The following ENPP6 variants were observed in gnomAD, a reference collection of about 807,000 sequenced individuals.
ENPP6 encodes the protein glycerophosphocholine cholinephosphodiesterase ENPP6.
A neutral mutation model predicts 42.0 loss-of-function variants in ENPP6; 32 were observed. The ratio of observed to expected loss-of-function variants is 0.76; its 90% CI spans 0.58 to 1.02. The LOEUF (loss-of-function observed/expected upper bound fraction) is 1.02. Among genes scored for constraint, ENPP6 ranks in the 50% least tolerant of loss-of-function variants. The pLI, the probability that ENPP6 is intolerant of heterozygous loss-of-function variation, is 0.00. For missense variants in ENPP6, 552 were observed against 566.8 expected (o/e 0.97, Z 0.27); for synonymous variants, 213 against 216.0 (o/e 0.99, Z 0.12).
At chr4:184,204,458 A>T (rs4862341) in intron 1 of ENPP6, among the ~76,000 whole-genome samples, 65,298 of 152,024 alleles carry the variant, frequency 0.43, 14,522 homozygotes, top group Non-Finnish European at 0.48. Context: ...ACTCGCACCT[A>T]GGCCTGAACC....
chr4:184,131,191 T>C (rs1301147782), intron 2 of ENPP6, among the ~76,000 whole-genome samples: 1 of 56,578 alleles, frequency 1.8e-5, no homozygotes, highest in Non-Finnish European at 3.8e-5. Flanking sequence ...CTTTCTTTCT[T>C]TCTTTCTTTC....
intron 2 of ENPP6, among the ~76,000 whole-genome samples, chr4:184,139,163 G>A (rs527571277): frequency 6.6e-6 from 1 of 152,284 alleles, no homozygotes; most frequent in Admixed American, 6.5e-5. Context: ...AATCCCAAAA[G>A]GGAAAACATC....
At chr4:184,147,157 G>T (rs1736941211) in intron 2 of ENPP6, among the ~76,000 whole-genome samples, 1 of 152,142 alleles carries the variant, frequency 6.6e-6, no homozygotes, top group Non-Finnish European at 1.5e-5. Flanking sequence ...ATGCAGTTCT[G>T]TGAGCAAGAA....
At position 184,206,662 on chromosome 4, in the gene ENPP6, A is replaced by G. The variant is rs186216305; in HGVS notation, c.241+10917T>C. 3.7e-3 allele frequency among the ~76,000 whole-genome samples: 567 copies of G among 152,248 alleles called. 20 individuals carry two copies. Among genetic ancestry groups the G allele is most frequent in the Non-Finnish European group, 6.8e-4 (46 of 68,016 alleles). On this transcript the variant is annotated intron_variant, in intron 1 of 7. Coordinates refer to ENST00000296741, the MANE Select transcript of ENPP6 (RefSeq NM_153343.4). ...CTTTGGTCCAGTTTTAATTTAAATC[A>G]GATGTTTTCTTAAAAGGTGGGGTGG...
intron 7 of ENPP6, 126 bp downstream of exon 7, chr4:184,097,119 C>T: frequency 1.4e-6 from 2 of 1,415,020 alleles, no homozygotes; most frequent in Non-Finnish European, 1.9e-6. Context: ...GCTGGGTTTG[C>T]TCTGCTTGGC....
chr4:184,116,868 C>T lies in ENPP6; in HGVS notation c.843G>A (p.Gly281=). 6.2e-7 allele frequency: 1 copy of T among 1,613,580 alleles called. No individual in the cohort carries two copies. Among genetic ancestry groups the T allele is most frequent in the African/African-American group, 1.3e-5 (1 of 75,044 alleles). Residue 281 remains glycine, a synonymous_variant, in exon 5 of 8, where the codon GGG becomes GGA. Coordinates refer to ENST00000296741, the MANE Select transcript of ENPP6 (RefSeq NM_153343.4). ...GPVVSLWPAP[G]KHSEIYNKLS... The stretch of plus-strand genomic sequence containing the variant: ...GGGTCTGTCTTGCCTCAGAGTGTTT[C>T]CCAGGGGCCGGCCAAAGGCTCACAA...
chr4:184,143,451 C>A (rs753207177), intron 2 of ENPP6, among the ~76,000 whole-genome samples: 5 of 152,228 alleles, frequency 3.3e-5, no homozygotes, highest in Non-Finnish European at 7.3e-5. Flanking sequence ...GGCACCAGCT[C>A]TCCTGGACTA....
At chr4:184,113,449 C>G (rs951683612) in intron 5 of ENPP6, among the ~76,000 whole-genome samples, 1 of 152,164 alleles carries the variant, frequency 6.6e-6, no homozygotes, top group Non-Finnish European at 1.5e-5. Flanking sequence ...ACAGCTGTCC[C>G]AGGTAACGGT....
At chr4:184,185,664 A>G (rs1732624071) in intron 1 of ENPP6, among the ~76,000 whole-genome samples, 1 of 152,240 alleles carries the variant, frequency 6.6e-6, no homozygotes, top group South Asian at 2.1e-4. Flanking sequence ...AAACAATCAG[A>G]CAAATCCAAA....
At chr4:184,149,887 C>T (rs1217104799) in intron 2 of ENPP6, among the ~76,000 whole-genome samples, 2 of 152,194 alleles carry the variant, frequency 1.3e-5, no homozygotes, top group Non-Finnish European at 2.9e-5. Flanking sequence ...TATTTTCCCT[C>T]CTTCCTCCCA....
At chr4:184,097,188 T>C in intron 7 of ENPP6, 57 bp downstream of exon 7, 1 of 1,608,668 alleles carries the variant, frequency 6.2e-7, no homozygotes, top group African/African-American at 1.3e-5. Context: ...GTAGCCCCCC[T>C]TACAGACACT....
intron 1 of ENPP6, among the ~76,000 whole-genome samples, chr4:184,211,048 A>C (rs1733101283): frequency 1.3e-5 from 2 of 151,012 alleles, no homozygotes; most frequent in African/African-American, 4.9e-5. Context: ...ACGAGAACAA[A>C]GACACAACAT....
At chr4:184,126,274 T>C (rs901333071) in intron 2 of ENPP6, among the ~76,000 whole-genome samples, 1 of 152,208 alleles carries the variant, frequency 6.6e-6, no homozygotes, top group African/African-American at 2.4e-5. Flanking sequence ...ACTGGCACAG[T>C]AATACAGTTC....
intron 2 of ENPP6, among the ~76,000 whole-genome samples, chr4:184,130,692 A>G (rs1040455790): frequency 2.0e-5 from 3 of 146,762 alleles, no homozygotes; most frequent in African/African-American, 7.6e-5. Flanking sequence ...ACTACATTCT[A>G]TATCATTTGC....
chr4:184,127,120 T>C (rs952976652), intron 2 of ENPP6, among the ~76,000 whole-genome samples: 2 of 152,206 alleles, frequency 1.3e-5, no homozygotes, highest in African/African-American at 2.4e-5. Context: ...CAATATATTA[T>C]GGACTTTACA....
At chr4:184,174,109 C>T (rs921990393) in intron 1 of ENPP6, among the ~76,000 whole-genome samples, 1 of 150,652 alleles carries the variant, frequency 6.6e-6, no homozygotes, top group Non-Finnish European at 1.5e-5. Flanking sequence ...AGTGAAAAAG[C>T]AAGCTCTTAG....
intron 5 of ENPP6, among the ~76,000 whole-genome samples, chr4:184,116,091 C>T (rs376119869): frequency 7.9e-5 from 12 of 151,956 alleles, no homozygotes; most frequent in African/African-American, 1.5e-4. Context: ...GGCATGGTGG[C>T]GGGCGCCTGT....
At chr4:184,123,401 G>T (rs1335645460) in intron 3 of ENPP6, among the ~76,000 whole-genome samples, 1 of 152,034 alleles carries the variant, frequency 6.6e-6, no homozygotes, top group African/African-American at 2.4e-5. Flanking sequence ...CTCTGATTAT[G>T]GTGGGTCTTC....
At chr4:184,098,241 T>C (rs1031824171) in intron 6 of ENPP6, among the ~76,000 whole-genome samples, 31 of 152,346 alleles carry the variant, frequency 2.0e-4, no homozygotes, top group African/African-American at 5.8e-4. Flanking sequence ...CCTGGGGACC[T>C]GGGACTTGTG....
Sources: gnomAD v4.1 joint callset for allele counts (sites outside exome capture counted in the v4.1 genomes callset) on GRCh38, gnomAD v4.1.1 for gene constraint, MANE v1.5 for transcripts, NCBI Gene and HGNC (gene_info 2026-07-23, HGNC 2026-07-21) for gene names.